CSMD1: variants seen among roughly 807,000 people sequenced by gnomAD.
The protein encoded by CSMD1 is CUB and Sushi multiple domains 1.
Under a neutral mutation model 417.5 loss-of-function variants are expected in CSMD1, and 213 were observed. The ratio of observed to expected loss-of-function variants is 0.51; its 90% CI spans 0.46 to 0.57. The LOEUF (loss-of-function observed/expected upper bound fraction) is 0.57, where lower values mean the gene tolerates loss of function less well. Ranked by LOEUF, CSMD1 falls within the 20% of genes least tolerant of loss-of-function variation. The probability of loss-of-function intolerance (pLI) is 0.00; values close to 1 mark genes in which losing one functional copy is unlikely to be tolerated. For missense variants in CSMD1, 6,923 were observed against 4,529.7 expected (o/e 1.53, Z -15.17); for synonymous variants, 2,862 against 1,736.8 (o/e 1.65, Z -16.11).
intron 3 of CSMD1, among the ~76,000 whole-genome samples, chr8:4,217,886 G>T (rs1800778171): frequency 1.3e-5 from 2 of 152,090 alleles, no homozygotes; most frequent in South Asian, 4.1e-4. Flanking sequence ...AAGAGGAGGT[G>T]GTTTCAGATG....
intron 3 of CSMD1, among the ~76,000 whole-genome samples, chr8:4,138,606 A>G (rs937247943): frequency 9.7e-5 from 14 of 144,942 alleles, no homozygotes; most frequent in African/African-American, 3.4e-4. Context: ...AGAAAGCAAA[A>G]CAAAAAAAAT....
chr8:3,241,066 T>TG (rs1222479019), intron 26 of CSMD1, among the ~76,000 whole-genome samples: 24 of 147,390 alleles, frequency 1.6e-4, no homozygotes, highest in African/African-American at 4.2e-4. Flanking sequence ...TGGGTTAAGG[T>TG]GAGGGGATAC....
chr8:4,398,388 C>CTTTTT lies in CSMD1; in HGVS notation c.415+21560_415+21564dup, dbSNP rs767579097. Among the ~76,000 whole-genome samples, 304 of 114,446 alleles carry CTTTTT rather than the reference C, an allele frequency of 2.7e-3. 1 individual carries two copies. The highest frequency in any genetic ancestry group is 0.01 in the East Asian group (36 of 3,596). The allele number at this position is 114,446 out of a possible 152,430, so 75.1% of individuals were successfully genotyped here. A position where few individuals can be genotyped will look rare whatever the true frequency, so the allele number is the denominator to read the frequency against. On this transcript the variant is annotated intron_variant, in intron 3 of 69. Coordinates refer to ENST00000635120, the MANE Select transcript of CSMD1 (RefSeq NM_033225.6). ...TTTTTAAATTGTCTTGCTGCAACTT[C>CTTTTT]TTTTTTTTTTTTTTTTTTTTGTGAG...
chr8:3,366,252 G>T, intron 20 of CSMD1, among the ~76,000 whole-genome samples: 1 of 152,122 alleles, frequency 6.6e-6, no homozygotes, highest in East Asian at 1.9e-4. Flanking sequence ...GAGGGTGGGG[G>T]CATGCTGGAA....
chr8:4,325,544 A>G (rs536094322), intron 3 of CSMD1, among the ~76,000 whole-genome samples: 2 of 152,322 alleles, frequency 1.3e-5, no homozygotes, highest in South Asian at 2.1e-4. Context: ...CATGGCAACC[A>G]AAAGCATGCC....
At chr8:4,509,924 T>C (rs1050836138) in intron 2 of CSMD1, among the ~76,000 whole-genome samples, 2 of 152,016 alleles carry the variant, frequency 1.3e-5, no homozygotes, top group Non-Finnish European at 2.9e-5. Context: ...CTGATAGAGG[T>C]ATATGAAAGC....
intron 8 of CSMD1, among the ~76,000 whole-genome samples, chr8:3,611,358 C>T (rs946732631): frequency 6.6e-6 from 1 of 151,972 alleles, no homozygotes; most frequent in African/African-American, 2.4e-5. Context: ...CCTGAGGGAG[C>T]TCTGGAGGAA....
chr8:3,804,107 T>G (rs1307069673), intron 5 of CSMD1, among the ~76,000 whole-genome samples: 1 of 151,758 alleles, frequency 6.6e-6, no homozygotes, highest in African/African-American at 2.4e-5. Context: ...TTTTGTTATA[T>G]TTTTAGTAGA....
chr8:4,144,347 C>A (rs1803980798), intron 3 of CSMD1, among the ~76,000 whole-genome samples: 1 of 151,088 alleles, frequency 6.6e-6, no homozygotes, highest in Non-Finnish European at 1.5e-5. Flanking sequence ...TCTCTTCTTT[C>A]TTCTGTAATT....
intron 33 of CSMD1, among the ~76,000 whole-genome samples, chr8:3,193,088 A>G (rs1317817955): frequency 6.6e-6 from 1 of 152,206 alleles, no homozygotes; most frequent in East Asian, 1.9e-4. Flanking sequence ...AAGAGGCTTC[A>G]GGTATTGCAT....
chr8:3,611,373 C>A (rs1041140804), intron 8 of CSMD1, among the ~76,000 whole-genome samples: 4 of 152,074 alleles, frequency 2.6e-5, no homozygotes, highest in Admixed American at 6.5e-5. Context: ...GAGGAACAAA[C>A]ATCTATGTAA....
In CSMD1 at chr8:3,354,926, T is replaced by TAGATATCTATATCTAA. The variant is rs1330728547; in HGVS notation, c.3304+4225_3304+4226insTTAGATATAGATATCT. 1.1e-4 allele frequency among the ~76,000 whole-genome samples: 17 copies of TAGATATCTATATCTAA among 151,298 alleles called. 1 individual carries two copies. In the East Asian group the frequency reaches 3.3e-3, roughly 30 times the overall value. On this transcript the variant is annotated intron_variant, in intron 21 of 69. Coordinates refer to ENST00000635120, the MANE Select transcript of CSMD1 (RefSeq NM_033225.6). ...ATCTATCTATAGATATGTCTATCTA[T>TAGATATCTATATCTAA]AGATATAGATATATATAGAGAGACA...
chr8:4,933,119 A>G (rs531212678), intron 1 of CSMD1, among the ~76,000 whole-genome samples: 1 of 152,114 alleles, frequency 6.6e-6, no homozygotes, highest in African/African-American at 2.4e-5. Flanking sequence ...ACTTGTATGG[A>G]TATGTTCTCT....
intron 26 of CSMD1, among the ~76,000 whole-genome samples, chr8:3,270,560 C>A (rs1283958542): frequency 6.6e-6 from 1 of 152,156 alleles, no homozygotes; most frequent in African/African-American, 2.4e-5. Flanking sequence ...AGTAAAAGAA[C>A]TTTATCAAGA....
intron 5 of CSMD1, among the ~76,000 whole-genome samples, chr8:3,983,646 A>G (rs2688392): frequency 0.79 from 120,576 of 152,212 alleles, 47,823 homozygotes; most frequent in East Asian, 0.88. Context: ...GCCCACGTGT[A>G]TCATGATAGA....
At chr8:4,467,076 A>T (rs968024939) in intron 2 of CSMD1, among the ~76,000 whole-genome samples, 4 of 143,862 alleles carry the variant, frequency 2.8e-5, no homozygotes, top group Non-Finnish European at 4.5e-5. Context: ...ATTAGCTTTG[A>T]TTTCTTTTCA....
intron 49 of CSMD1, among the ~76,000 whole-genome samples, chr8:3,058,495 A>G (rs961493169): frequency 1.3e-5 from 2 of 152,222 alleles, no homozygotes; most frequent in Non-Finnish European, 2.9e-5. Flanking sequence ...TTTGGTGCTA[A>G]TTGCTGACAA....
chr8:4,440,860 G>T (rs929301078), intron 2 of CSMD1, among the ~76,000 whole-genome samples: 9 of 151,648 alleles, frequency 5.9e-5, no homozygotes, highest in Admixed American at 2.0e-4. Flanking sequence ...AGCTGGGAGT[G>T]GGGGTGAATG....
intron 26 of CSMD1, among the ~76,000 whole-genome samples, chr8:3,276,166 A>C (rs536639661): frequency 6.6e-6 from 1 of 151,962 alleles, no homozygotes; most frequent in Non-Finnish European, 1.5e-5. Context: ...CTTCAGATGC[A>C]GGTCTGTTGG....
Sources: gnomAD v4.1 joint callset for allele counts (sites outside exome capture counted in the v4.1 genomes callset) on GRCh38, gnomAD v4.1.1 for gene constraint, MANE v1.5 for transcripts, NCBI Gene and HGNC (gene_info 2026-07-23, HGNC 2026-07-21) for gene names.